The following PPP1R13B variants were observed in gnomAD, a reference collection of about 807,000 sequenced individuals.
PPP1R13B encodes the protein protein phosphatase 1 regulatory subunit 13B.
PPP1R13B carries 44 observed loss-of-function variants against 119.8 expected under a neutral mutation model. That is an observed-to-expected ratio of 0.37 (90% confidence interval 0.29 to 0.47). The LOEUF (loss-of-function observed/expected upper bound fraction) is 0.47. Ranked by LOEUF, PPP1R13B falls within the 20% of genes least tolerant of loss-of-function variation. The pLI, the probability that PPP1R13B is intolerant of heterozygous loss-of-function variation, is 0.99. For missense variants in PPP1R13B, 1,227 were observed against 1,413.5 expected, an observed-to-expected ratio of 0.87 and a Z score of 2.12; for synonymous variants, 542 against 561.5, an observed-to-expected ratio of 0.97 and a Z score of 0.49.
At position 103,742,847 on chromosome 14, in the gene PPP1R13B, G is replaced by A. The variant is rs117222583; in HGVS notation, c.1151-24C>T. 0.03 allele frequency: 48,616 copies of A among 1,612,294 alleles called. 888 individuals carry two copies. Among genetic ancestry groups the A allele is most frequent in the Non-Finnish European group, 0.035 (40,744 of 1,178,946 alleles). ...AGCTTGAAAAGAACACAGAACTTAC[G>A]TAAAACTTTTCTCAATGTAGTTGAA... On this transcript the variant is annotated intron_variant, in intron 9 of 16. Transcript: ENST00000202556. This position sits in a 1 kb window ranked among gnomAD's most constrained non-coding sequence, Gnocchi z 4.9.
intron 1 of PPP1R13B, among the ~76,000 whole-genome samples, chr14:103,829,376 A>G (rs978983645): frequency 6.6e-6 from 1 of 152,194 alleles, no homozygotes; most frequent in African/African-American, 2.4e-5. Context: ...CTAAAGCAAG[A>G]ATGTCTTTGA....
chr14:103,841,375 G>A (rs2086904362), intron 1 of PPP1R13B, among the ~76,000 whole-genome samples: 1 of 151,846 alleles, frequency 6.6e-6, no homozygotes, highest in African/African-American at 2.4e-5. Flanking sequence ...ATCACTTGAA[G>A]TCAGGAGTTT....
intron 1 of PPP1R13B, among the ~76,000 whole-genome samples, chr14:103,832,593 G>A (rs1009097976): frequency 6.6e-6 from 1 of 152,138 alleles, no homozygotes; most frequent in Non-Finnish European, 1.5e-5. Flanking sequence ...TATTGTAAGG[G>A]ACTACTCTCT....
chr14:103,743,570 G>T (rs1048099815), intron 9 of PPP1R13B, among the ~76,000 whole-genome samples: 1 of 152,206 alleles, frequency 6.6e-6, no homozygotes, highest in Non-Finnish European at 1.5e-5. Context: ...TCTTTTACAG[G>T]AACAGGTGCT....
At chr14:103,768,734 C>T (rs369339843) in intron 4 of PPP1R13B, among the ~76,000 whole-genome samples, 1 of 152,050 alleles carries the variant, frequency 6.6e-6, no homozygotes, top group South Asian at 2.1e-4. Context: ...TGCACCAGGC[C>T]TAATTTTTGT....
Position 103,738,055 on chromosome 14 carries a change from C to T in PPP1R13B, c.2865-195G>A, listed in dbSNP as rs1442285621. On this transcript the variant is annotated intron_variant, in intron 14 of 16. Transcript: ENST00000202556. The surrounding 1 kb of genome is among the most constrained non-coding windows in gnomAD (Gnocchi z 5.6). ...CCATACATACATTTTGAAAAGGGGG[C>T]ACAGGGAATGGGTTAAGAAATGGCC... Among the ~76,000 whole-genome samples, 2 of 152,182 alleles carry T rather than the reference C, an allele frequency of 1.3e-5. No homozygotes were observed. The highest frequency in any genetic ancestry group is 4.8e-5 in the African/African-American group (2 of 41,428).
In PPP1R13B at chr14:103,742,627, T is replaced by C. The variant is rs1164601295; in HGVS notation, c.1320+27A>G. On this transcript the variant is annotated intron_variant, in intron 10 of 16. Transcript: ENST00000202556. This position sits in a 1 kb window ranked among gnomAD's most constrained non-coding sequence, Gnocchi z 4.9. ...AGAGCCCTGTTGAAGAGCCCGCTTG[T>C]GTTCTGTGGTAAAGACACAGGCCTA... 2.5e-6 allele frequency: 4 copies of C among 1,608,250 alleles called. No homozygotes were observed. The South Asian group carries it at 3.3e-5, about 13-fold the overall frequency.
chr14:103,787,925 C>A (rs983414509), intron 2 of PPP1R13B, among the ~76,000 whole-genome samples: 2 of 152,050 alleles, frequency 1.3e-5, no homozygotes, highest in African/African-American at 4.8e-5. Context: ...GCTGGGATTA[C>A]AGGCGTGAGC....
intron 1 of PPP1R13B, among the ~76,000 whole-genome samples, chr14:103,804,366 T>C (rs972708029): frequency 1.3e-5 from 2 of 152,188 alleles, no homozygotes; most frequent in East Asian, 3.8e-4. Flanking sequence ...GTATTTAAAC[T>C]ATTTTCTTGG....
intron 2 of PPP1R13B, among the ~76,000 whole-genome samples, chr14:103,793,331 G>A (rs993188506): frequency 1.3e-5 from 2 of 152,174 alleles, no homozygotes; most frequent in Non-Finnish European, 1.5e-5. Context: ...CCAGATGGAG[G>A]TCACTGAATC....
intron 1 of PPP1R13B, among the ~76,000 whole-genome samples, chr14:103,820,914 A>G (rs1027707792): frequency 1.3e-4 from 20 of 152,232 alleles, no homozygotes; most frequent in African/African-American, 4.8e-4. Flanking sequence ...AAAAGGGATA[A>G]CTTTTTGTTT....
chr14:103,766,189 T>C (rs1379582752), intron 4 of PPP1R13B, among the ~76,000 whole-genome samples: 4 of 151,988 alleles, frequency 2.6e-5, no homozygotes, highest in Admixed American at 1.3e-4. Flanking sequence ...TTTGTATTTT[T>C]AGTAGAGATG....
intron 1 of PPP1R13B, among the ~76,000 whole-genome samples, chr14:103,824,939 G>T (rs2086501651): frequency 7.5e-6 from 1 of 133,302 alleles, no homozygotes; most frequent in South Asian, 2.3e-4. Context: ...GAGTTCTGCA[G>T]ATATTGCATT....
chr14:103,848,129 C>T (rs1034729299), upstream of PPP1R13B: 17 of 657,462 alleles, frequency 2.6e-5, no homozygotes, highest in African/African-American at 2.9e-4. Context: ...GCCCGACGCC[C>T]TTGGCTGGCA....
chr14:103,807,640 G>T (rs1163003569), intron 1 of PPP1R13B, among the ~76,000 whole-genome samples: 1 of 151,996 alleles, frequency 6.6e-6, no homozygotes, highest in Non-Finnish European at 1.5e-5. Context: ...GACAAAAAGT[G>T]CCTGCCACCA....
chr14:103,816,548 G>A (rs1329008873), intron 1 of PPP1R13B, among the ~76,000 whole-genome samples: 1 of 151,420 alleles, frequency 6.6e-6, no homozygotes, highest in African/African-American at 2.4e-5. Context: ...TTAGCCGGGG[G>A]TGGTGGCACA....
intron 4 of PPP1R13B, among the ~76,000 whole-genome samples, chr14:103,767,545 A>T (rs1030341421): frequency 6.6e-6 from 1 of 151,960 alleles, no homozygotes; most frequent in African/African-American, 2.4e-5. Flanking sequence ...CCCACTGCTG[A>T]TATATAATTC....
At chr14:103,821,330 C>T (rs563028026) in intron 1 of PPP1R13B, among the ~76,000 whole-genome samples, 1 of 152,180 alleles carries the variant, frequency 6.6e-6, no homozygotes, top group East Asian at 1.9e-4. Context: ...ATTTCAGTAC[C>T]TGATAATAAT....
chr14:103,750,284 T>C, intron 7 of PPP1R13B, among the ~76,000 whole-genome samples: 1 of 152,174 alleles, frequency 6.6e-6, no homozygotes, highest in East Asian at 1.9e-4. Context: ...CACCACATGA[T>C]GCACCTTACT....
Sources: allele counts gnomAD v4.1 joint callset (sites outside exome capture counted in the v4.1 genomes callset), GRCh38; gene constraint gnomAD v4.1.1; non-coding constraint Gnocchi (gnomAD v3.1); transcripts MANE v1.5; gene names NCBI Gene and HGNC (gene_info 2026-07-23, HGNC 2026-07-21).